Variants in PRRC2A observed in about 807,000 individuals in gnomAD.
PRRC2A encodes proline rich coiled-coil 2A.
Under a neutral mutation model 224.6 loss-of-function variants are expected in PRRC2A, and 59 were observed. The ratio of observed to expected loss-of-function variants is 0.26; its 90% confidence interval spans 0.21 to 0.33. The LOEUF (loss-of-function observed/expected upper bound fraction) is 0.33. PRRC2A is among the 10% of genes least tolerant of loss of function. PRRC2A has a pLI of 1.00. For missense variants in PRRC2A, 3,095 were observed against 2,880.7 expected (o/e 1.07, Z -1.70); for synonymous variants, 1,194 against 1,109.5 (o/e 1.08, Z -1.51).
At position 31,637,285 on chromosome 6, in the gene PRRC2A, T is replaced by C; in HGVS notation, c.6294T>C (p.Ser2098=). Residue 2098 remains serine (S), a synonymous_variant, in exon 30 of 31, where the codon AGT becomes AGC. Coordinates refer to ENST00000376033, the MANE Select transcript of PRRC2A (RefSeq NM_004638.4). ...TCAAGGCCACGCCTTCCACCTACAG[T>C]GGAGTCTTCCGCACCCAGCGCGTCG... is the stretch of plus-strand genomic sequence containing the variant. ...SRLKATPSTY[S]GVFRTQRVDL... is the part of the protein sequence containing the mutation. The C allele has an allele frequency of 1.2e-6, 2 of 1,612,664 alleles. No homozygotes were observed. The highest frequency in any genetic ancestry group is 1.3e-5 in the African/African-American group (1 of 75,042).
In PRRC2A at chr6:31,627,845, A is replaced by G. The variant is rs561276579; in HGVS notation, c.1371A>G (p.Ser457=). Residue 457 remains serine (S), a synonymous_variant, in exon 12 of 31, where the codon TCA becomes TCG. Coordinates refer to ENST00000376033, the MANE Select transcript of PRRC2A (RefSeq NM_004638.4). This position sits in a 1 kb window ranked among gnomAD's most constrained non-coding sequence, Gnocchi z 5.6. ...EAWRQRRKQS[S]SEISLAVERA... ...GGCGGCAGCGACGAAAGCAGTCGTC[A>G]TCTGAGATTTCCCTGGCAGTGGAGC... The G allele has an allele frequency of 8.7e-6, 14 of 1,613,124 alleles. No individual in the cohort carries two copies. The highest frequency in any genetic ancestry group is 1.7e-4 in the Middle Eastern group (1 of 6,060).
chr6:31,632,559 G>T lies in PRRC2A; in HGVS notation c.3886G>T (p.Ala1296Ser), dbSNP rs751636562. The T allele has an allele frequency of 1.2e-6, 2 of 1,612,052 alleles. No homozygotes were observed. Among genetic ancestry groups the T allele is most frequent in the Non-Finnish European group, 1.7e-6 (2 of 1,179,442 alleles). ...PEEALTTVTV[A>S]PAPRRAAAKS... Reference sequence around the variant, plus strand: ...GGAGGCCCTCACAACAGTCACAGTGGCCCCAGCACCTCGCCGGGCAGCTGC... The same window carrying T: ...GGAGGCCCTCACAACAGTCACAGTGTCCCCAGCACCTCGCCGGGCAGCTGC... Residue 1296 changes from alanine to serine, a missense_variant, in exon 16 of 31, where the codon GCC becomes TCC. Physicochemically the swap from Ala to Ser is moderately conservative, Grantham distance 99. Transcript: ENST00000376033.
intron 12 of PRRC2A, chr6:31,628,827 C>G (rs1431918338): frequency 5.9e-6 from 2 of 341,428 alleles, no homozygotes; most frequent in Non-Finnish European, 1.1e-5. Flanking sequence ...GGTGACAGAG[C>G]AAGACTCTGT....
At chr6:31,630,867 C>T (rs2150516660) in intron 15 of PRRC2A, 66 bp downstream of exon 15, 1 of 1,561,086 alleles carries the variant, frequency 6.4e-7, no homozygotes, top group Non-Finnish European at 8.7e-7. Flanking sequence ...GAGAAAGGTA[C>T]TTTGGGTTAG....
chr6:31,629,826 T>C lies in PRRC2A; in HGVS notation c.2235T>C (p.Pro745=). 6.2e-7 allele frequency: 1 copy of C among 1,613,906 alleles called. No individual in the cohort carries two copies. ...LQGRPPLDFY[P]PGVHPSGLVP... ...GTCGTCCCCCTCTAGACTTCTACCC[T>C]CCTGGTGTGCATCCCTCTGGTAAGG... The change falls in exon 14 of 31, where the codon CCT becomes CCC. Residue 745 remains proline, a synonymous_variant. Coordinates refer to ENST00000376033, the MANE Select transcript of PRRC2A (RefSeq NM_004638.4).
chr6:31,629,895 G>C, intron 14 of PRRC2A, 50 bp downstream of exon 14: 1 of 1,602,444 alleles, frequency 6.2e-7, no homozygotes, highest in Non-Finnish European at 8.5e-7. Context: ...CTCAGTCTTA[G>C]GCATTGGATA....
In PRRC2A at chr6:31,625,398, T is replaced by G; in HGVS notation, c.608-62T>G. The G allele has an allele frequency of 6.2e-7, 1 of 1,611,454 alleles. No individual in the cohort carries two copies. The highest frequency in any genetic ancestry group is 2.2e-5 in the East Asian group (1 of 44,862). ...CTTATTCACCTTCCTCCCCATCACTTTCAGCTGTGTTCACTTGTCCTCCAA... is the reference window on the plus strand; with the variant it reads ...CTTATTCACCTTCCTCCCCATCACTGTCAGCTGTGTTCACTTGTCCTCCAA... On this transcript the variant is annotated intron_variant, in intron 6 of 30. Transcript: ENST00000376033. This position sits in a 1 kb window ranked among gnomAD's most constrained non-coding sequence, Gnocchi z 4.1.
rs145145943 is a variant in PRRC2A, at chr6:31,630,609, G to T, written c.2273G>T (p.Arg758Leu). Residue 758 changes from arginine to leucine, a missense_variant, in exon 15 of 31, where the codon CGT becomes CTT. Physicochemically the swap from Arg to Leu is moderately radical, Grantham distance 102. Around this residue, in one of 8 missense-constraint regions of PRRC2A, gnomAD observed 2,001 missense variants for 1,764.9 expected, o/e 1.13. Coordinates refer to ENST00000376033, the MANE Select transcript of PRRC2A (RefSeq NM_004638.4). ...TCTTCAGGCCTAGTTCCCCGAGAGC[G>T]TTCAGACAGTGGGGGCTCAAGCTCA... ...VHPSGLVPRE[R>L]SDSGGSSSEP... The T allele has an allele frequency of 6.2e-7, 1 of 1,613,968 alleles. No individual in the cohort carries two copies. Among genetic ancestry groups the T allele is most frequent in the Non-Finnish European group, 8.5e-7 (1 of 1,180,032 alleles).
At position 31,622,815 on chromosome 6, in the gene PRRC2A, C is replaced by T. The variant is rs1179360965; in HGVS notation, c.26C>T (p.Ala9Val). The T allele has an allele frequency of 3.7e-6, 6 of 1,613,994 alleles. No homozygotes were observed. In the South Asian group the frequency reaches 4.4e-5, roughly 12 times the overall value. The change falls in exon 2 of 31, where the codon GCC (alanine) becomes GTC (valine). Residue 9 changes from alanine to valine, a missense_variant. This residue lies in a region of PRRC2A where 64 missense variants were observed against 68.2 expected (regional missense o/e 0.94). Transcript: ENST00000376033. MSDRSGPT[A>V]KGKDGKKYSS... is the part of the protein sequence containing the mutation. ...ATGTCCGATCGCTCGGGGCCGACTG[C>T]CAAGGGAAAGGATGGAAAGAAGTAT... is the stretch of plus-strand genomic sequence containing the variant.
chr6:31,624,827 CTCAT>C (rs2150497292), intron 5 of PRRC2A: 1 of 514,600 alleles, frequency 1.9e-6, no homozygotes, highest in South Asian at 2.6e-5. Context: ...GAGACGGAGT[CTCAT>C]TCTGTCACCC....
rs766944865 is a variant in PRRC2A, at chr6:31,632,524, C to T, written c.3851C>T (p.Pro1284Leu). 7 of 1,609,690 alleles carry T rather than the reference C, an allele frequency of 4.3e-6. No homozygotes were observed. The South Asian group carries it at 5.5e-5, about 13-fold the overall frequency. The change falls in exon 16 of 31, where the codon CCT (proline) becomes CTT (leucine). Residue 1284 changes from proline (P) to leucine (L), a missense_variant. Pro to Leu is a moderately conservative substitution (Grantham distance 98). This residue lies in a region of PRRC2A where 2,001 missense variants were observed against 1,764.9 expected (regional missense o/e 1.13). Coordinates refer to ENST00000376033, the MANE Select transcript of PRRC2A (RefSeq NM_004638.4). ...TCCCTAACCCTTCCAGCCTCCGCTCCTGGACCTGAGGAGGCCCTCACAACA... is the reference window on the plus strand; with the variant it reads ...TCCCTAACCCTTCCAGCCTCCGCTCTTGGACCTGAGGAGGCCCTCACAACA... ...KPSLTLPASAPGPEEALTTVT... is the reference protein window; with the variant it reads ...KPSLTLPASALGPEEALTTVT...
intron 2 of PRRC2A, 134 bp downstream of exon 2, chr6:31,623,035 T>C: frequency 4.8e-6 from 4 of 838,352 alleles, no homozygotes; most frequent in Non-Finnish European, 8.3e-6. Flanking sequence ...AACTTTACAC[T>C]GGGTCCTTTA....
chr6:31,626,974 G>A lies in PRRC2A; in HGVS notation c.1074-8G>A. ...CTGATTTTAATTTCACTGTTGATCT[G>A]CTCACAGCAGGGATTCCCAATCAGC... On this transcript the variant is annotated splice_polypyrimidine_tract_variant and splice_region_variant and intron_variant, in intron 10 of 30. Transcript: ENST00000376033. The A allele has an allele frequency of 6.2e-7, 1 of 1,614,178 alleles. No homozygotes were observed. Among genetic ancestry groups the A allele is most frequent in the Non-Finnish European group, 8.5e-7 (1 of 1,180,030 alleles).
In PRRC2A at chr6:31,631,149, C is replaced by T. The variant is rs759142352; in HGVS notation, c.2476C>T (p.Pro826Ser). ...EDDKGMRSET[P>S]PVPPPPPYLA... ...TGTCTGTCTCTTCAGGAGCGAGACT[C>T]CTCCAGTACCTCCCCCACCACCCTA... The change falls in exon 16 of 31, where the codon CCT (proline) becomes TCT (serine). Residue 826 changes from proline (P) to serine (S), a missense_variant. By Grantham distance (74) the Pro-to-Ser change is moderately conservative (BLOSUM62 -1). This residue lies in a region of PRRC2A where 2,001 missense variants were observed against 1,764.9 expected (regional missense o/e 1.13). Coordinates refer to ENST00000376033, the MANE Select transcript of PRRC2A (RefSeq NM_004638.4). This position sits in a 1 kb window ranked among gnomAD's most constrained non-coding sequence, Gnocchi z 4.5. The T allele has an allele frequency of 7.9e-6, 12 of 1,519,036 alleles. No individual in the cohort carries two copies. In the East Asian group the frequency reaches 1.6e-4, roughly 20 times the overall value. 94.1% of individuals were successfully genotyped at this position (1,519,036 alleles called of 1,614,324 possible).
intron 14 of PRRC2A, among the ~76,000 whole-genome samples, chr6:31,630,115 G>A (rs1776375319): frequency 1.3e-5 from 2 of 152,118 alleles, no homozygotes; most frequent in Non-Finnish European, 2.9e-5. Context: ...TCAGGAGTTC[G>A]AGACCACCAT....
chr6:31,631,761 G>A lies in PRRC2A; in HGVS notation c.3088G>A (p.Glu1030Lys), dbSNP rs1188672383. The A allele has an allele frequency of 1.9e-6, 3 of 1,545,870 alleles. No homozygotes were observed. Among genetic ancestry groups the A allele is most frequent in the Non-Finnish European group, 2.6e-6 (3 of 1,144,534 alleles). Residue 1030 changes from glutamate to lysine, a missense_variant, in exon 16 of 31, where the codon GAG (glutamate) becomes AAG (lysine). Physicochemically the swap from Glu to Lys is moderately conservative, Grantham distance 56 (BLOSUM62 1). Around this residue, in one of 8 missense-constraint regions of PRRC2A, gnomAD observed 2,001 missense variants for 1,764.9 expected, o/e 1.13. Coordinates refer to ENST00000376033, the MANE Select transcript of PRRC2A (RefSeq NM_004638.4). The surrounding 1 kb of genome is among the most constrained non-coding windows in gnomAD (Gnocchi z 4.5). ...PTSCRGRGRGEYFARGRGFRG... is the reference protein window; with the variant it reads ...PTSCRGRGRGKYFARGRGFRG... ...CTCTTGCCGGGGTCGGGGCCGAGGC[G>A]AGTATTTTGCCAGAGGGAGGGGTTT...
At position 31,631,750 on chromosome 6, in the gene PRRC2A, G is replaced by C. The variant is rs765658711; in HGVS notation, c.3077G>C (p.Arg1026Pro). Residue 1026 changes from arginine to proline, a missense_variant, in exon 16 of 31, where the codon CGG (arginine) becomes CCG (proline). By Grantham distance (103) the Arg-to-Pro change is moderately radical. This residue lies in a region of PRRC2A where 2,001 missense variants were observed against 1,764.9 expected (regional missense o/e 1.13). Coordinates refer to ENST00000376033, the MANE Select transcript of PRRC2A (RefSeq NM_004638.4). This position sits in a 1 kb window ranked among gnomAD's most constrained non-coding sequence, Gnocchi z 4.5. ...ERVGPTSCRG[R>P]GRGEYFARGR... is the part of the protein sequence containing the mutation. ...GTGGGTCCTACCTCTTGCCGGGGTC[G>C]GGGCCGAGGCGAGTATTTTGCCAGA... is the stretch of plus-strand genomic sequence containing the variant. 3.9e-6 allele frequency: 6 copies of C among 1,535,522 alleles called. No homozygotes were observed. The highest frequency in any genetic ancestry group is 1.8e-6 in the Non-Finnish European group (2 of 1,140,474).
chr6:31,629,066 G>T (rs978758099), intron 12 of PRRC2A, 78 bp from the exon 13 acceptor site: 1 of 1,406,358 alleles, frequency 7.1e-7, no homozygotes. Context: ...AGCTAGAGAT[G>T]AGACGTGAGA....
At chr6:31,620,889 CT>C in intron 1 of PRRC2A, 31 bp downstream of exon 1, 1 of 154,742 alleles carries the variant, frequency 6.5e-6, no homozygotes, top group Non-Finnish European at 1.4e-5. Context: ...CGCTGACGCC[CT>C]TTTCCGGCGC....
Sources: gnomAD v4.1 joint callset for allele counts (sites outside exome capture counted in the v4.1 genomes callset) on GRCh38, gnomAD v4.1.1 for gene constraint, gnomAD v4.1.1 regional missense constraint, Gnocchi (gnomAD v3.1) non-coding constraint, MANE v1.5 for transcripts, NCBI Gene and HGNC (gene_info 2026-07-23, HGNC 2026-07-21) for gene names.